Variants in CIROZ observed in about 807,000 individuals in gnomAD.
CIROZ encodes ciliated left-right organizer ZP-N domains-containing protein.
At chr1:10,981,987 C>G in the CIROZ span, 2 of 1,537,198 alleles carry the variant, frequency 1.3e-6, no homozygotes, top group South Asian at 1.2e-5. Context: ...TGGCTTCTCC[C>G]AATTCCTGAA....
At chr1:10,959,787 G>A in the CIROZ span, among the ~76,000 whole-genome samples, 6 of 152,228 alleles carry the variant, frequency 3.9e-5, no homozygotes, top group Non-Finnish European at 7.3e-5. This position sits in a 1 kb window ranked among gnomAD's most constrained non-coding sequence, Gnocchi z 4.3. Flanking sequence ...TGCCCAGCTC[G>A]GCTGTTCCTT....
the CIROZ span, chr1:10,954,963 G>A: frequency 9.5e-6 from 15 of 1,576,934 alleles, no homozygotes; most frequent in Middle Eastern, 2.3e-4. Flanking sequence ...GAGAAGGGGC[G>A]AGACAGAGAT....
chr1:10,958,882 T>A, the CIROZ span: 3 of 848,544 alleles, frequency 3.5e-6, no homozygotes, highest in South Asian at 3.3e-5. Flanking sequence ...TGCCGCAGGG[T>A]TGTTTGCTCA....
the CIROZ span, chr1:10,982,016 C>T: frequency 6.5e-7 from 1 of 1,537,234 alleles, no homozygotes; most frequent in Admixed American, 2.0e-5. Context: ...ACTTACCAGG[C>T]AAGTGCTGGG....
At chr1:10,960,345 A>G in the CIROZ span, among the ~76,000 whole-genome samples, 1 of 152,192 alleles carries the variant, frequency 6.6e-6, no homozygotes, top group Non-Finnish European at 1.5e-5. The surrounding 1 kb of genome is among the most constrained non-coding windows in gnomAD (Gnocchi z 4.6). Context: ...CGGAAGTTGC[A>G]GTGAACTGAG....
At chr1:10,978,493 G>A in the CIROZ span, among the ~76,000 whole-genome samples, 49 of 151,752 alleles carry the variant, frequency 3.2e-4, no homozygotes, top group Non-Finnish European at 1.2e-4. Flanking sequence ...AGGATCACTT[G>A]AGCCCAGGAG....
chr1:10,954,372 T>C, the CIROZ span, among the ~76,000 whole-genome samples: 7 of 150,952 alleles, frequency 4.6e-5, no homozygotes, highest in South Asian at 1.5e-3. Context: ...GAGAATCGCT[T>C]GAACCCAGGA....
At chr1:10,966,785 ATATT>A in the CIROZ span, among the ~76,000 whole-genome samples, 2 of 152,018 alleles carry the variant, frequency 1.3e-5, no homozygotes, top group Admixed American at 1.3e-4. Flanking sequence ...CCAGTTGTGT[ATATT>A]TCATGCAGCA....
At chr1:10,951,745 A>AAAAAAATATATATATATATATAT in the CIROZ span, among the ~76,000 whole-genome samples, 1 of 119,206 alleles carries the variant, frequency 8.4e-6, no homozygotes, top group Admixed American at 8.4e-5. Flanking sequence ...AAAAAAAAAA[A>AAAAAAATATATATATATATATAT]ATATATATAT....
At chr1:10,971,633 G>C in the CIROZ span, among the ~76,000 whole-genome samples, 1 of 152,108 alleles carries the variant, frequency 6.6e-6, no homozygotes, top group Non-Finnish European at 1.5e-5. Context: ...CCCTGGTCCT[G>C]TGTCTCTTTC....
chr1:10,960,899 A>G, the CIROZ span, among the ~76,000 whole-genome samples: 7 of 148,300 alleles, frequency 4.7e-5, no homozygotes, highest in African/African-American at 1.5e-4. The surrounding 1 kb of genome is among the most constrained non-coding windows in gnomAD (Gnocchi z 4.6). Flanking sequence ...TGAGGTTCTC[A>G]GATGGGGGAA....
the CIROZ span, among the ~76,000 whole-genome samples, chr1:10,952,907 T>C: frequency 3.3e-5 from 5 of 152,252 alleles, no homozygotes; most frequent in African/African-American, 7.2e-5. Context: ...AAGCCTTGCA[T>C]GGGGCCTCAT....
the CIROZ span, chr1:10,955,150 A>T: frequency 6.2e-7 from 1 of 1,612,080 alleles, no homozygotes; most frequent in Non-Finnish European, 8.5e-7. Flanking sequence ...CTGCTTGGGG[A>T]TGTGAACTAA....
the CIROZ span, chr1:10,970,228 G>T: frequency 1.3e-6 from 1 of 785,404 alleles, no homozygotes; most frequent in Non-Finnish European, 2.0e-6. Context: ...TCAGGAAAGG[G>T]CATGTAGGGG....
chr1:10,948,343 T>C, the CIROZ span: 5 of 1,613,560 alleles, frequency 3.1e-6, no homozygotes, highest in Admixed American at 6.7e-5. Flanking sequence ...GCAGCCAGTG[T>C]GGCCCGCCAG....
the CIROZ span, among the ~76,000 whole-genome samples, chr1:10,950,030 CTTT>C: frequency 2.0e-5 from 2 of 101,692 alleles, no homozygotes; most frequent in Admixed American, 1.0e-4. Flanking sequence ...CATCAAGATT[CTTT>C]TTTTTTTTTT....
chr1:10,954,459 AAAAAAAAAG>A, the CIROZ span, among the ~76,000 whole-genome samples: 1 of 130,866 alleles, frequency 7.6e-6, no homozygotes, highest in African/African-American at 3.1e-5. Context: ...GTCTCAAAAA[AAAAAAAAAG>A]AAAAGAAAAG....
chr1:10,954,143 C>T, the CIROZ span: 2 of 1,611,102 alleles, frequency 1.2e-6, no homozygotes, highest in Admixed American at 3.4e-5. Flanking sequence ...CTTGGCATCG[C>T]TGTGGGGCCA....
chr1:10,981,359 A>T, the CIROZ span, among the ~76,000 whole-genome samples: 9 of 152,076 alleles, frequency 5.9e-5, no homozygotes, highest in African/African-American at 2.2e-4. Context: ...CTAAAGTGGG[A>T]TGATCACTTG....
Sources: gnomAD v4.1 joint callset for allele counts (sites outside exome capture counted in the v4.1 genomes callset) on GRCh38, gnomAD v4.1.1 for gene constraint, Gnocchi (gnomAD v3.1) non-coding constraint, MANE v1.5 for transcripts, NCBI Gene and HGNC (gene_info 2026-07-23, HGNC 2026-07-21) for gene names.